TBC1D19: variants seen among roughly 807,000 people sequenced by gnomAD.
TBC1D19 encodes the protein TBC1 domain family member 19.
TBC1D19 carries 60 observed loss-of-function variants against 89.0 expected under a neutral mutation model. That is an observed-to-expected ratio of 0.67 (90% CI 0.55 to 0.84). TBC1D19 has a LOEUF of 0.84. Ranked by LOEUF, TBC1D19 falls within the 40% of genes least tolerant of loss-of-function variation. TBC1D19 has a pLI of 0.00. For missense variants in TBC1D19, 500 were observed against 610.8 expected, an observed-to-expected ratio of 0.82 and a Z score of 1.91; for synonymous variants, 189 against 199.7, an observed-to-expected ratio of 0.95 and a Z score of 0.45.
At chr4:26,810,811 A>G in the TBC1D19 span, among the ~76,000 whole-genome samples, 1 of 152,204 alleles carries the variant, frequency 6.6e-6, no homozygotes, top group Non-Finnish European at 1.5e-5. Context: ...TCCAGAATGC[A>G]GGAACTCTAT....
the TBC1D19 span, among the ~76,000 whole-genome samples, chr4:26,778,908 A>AT: frequency 1.8e-3 from 268 of 152,300 alleles, 7 homozygotes; most frequent in East Asian, 0.045. Context: ...CCTTGGAATA[A>AT]TTTTTAATTC....
At chr4:26,758,155 T>C (rs934909677), downstream of TBC1D19, among the ~76,000 whole-genome samples, 1 of 152,198 alleles carries the variant, frequency 6.6e-6, no homozygotes, top group Non-Finnish European at 1.5e-5. Context: ...TCCTTGTTCT[T>C]ATAAAACTGT....
At chr4:26,633,272 G>A (rs1480164452) in intron 4 of TBC1D19, among the ~76,000 whole-genome samples, 1 of 152,098 alleles carries the variant, frequency 6.6e-6, no homozygotes, top group Non-Finnish European at 1.5e-5. Context: ...TGTATATAAT[G>A]AGCCTTAAAG....
At chr4:26,673,446 T>TATATACACACACACACACACAC (rs373807642) in intron 10 of TBC1D19, among the ~76,000 whole-genome samples, 9 of 90,866 alleles carry the variant, frequency 9.9e-5, no homozygotes, top group African/African-American at 3.4e-4. Flanking sequence ...TATATATATA[T>TATATACACACACACACACACAC]ACACACACAC....
chr4:26,653,714 C>T (rs576191515), intron 7 of TBC1D19, among the ~76,000 whole-genome samples: 1,522 of 151,690 alleles, frequency 0.01, 13 homozygotes, highest in Non-Finnish European at 0.016. Context: ...TTTTTTGTTT[C>T]CCATTTGCTT....
chr4:26,660,081 G>A (rs1054125605), intron 8 of TBC1D19, among the ~76,000 whole-genome samples: 2 of 152,068 alleles, frequency 1.3e-5, no homozygotes, highest in Non-Finnish European at 2.9e-5. Flanking sequence ...AACTTTTATG[G>A]AGCTTGTAAC....
At chr4:26,818,611 G>T in the TBC1D19 span, among the ~76,000 whole-genome samples, 6 of 152,148 alleles carry the variant, frequency 3.9e-5, no homozygotes, top group Admixed American at 3.9e-4. Flanking sequence ...GAAGAGTACA[G>T]ATTCTTTACT....
the TBC1D19 span, among the ~76,000 whole-genome samples, chr4:26,843,546 C>T: frequency 6.6e-6 from 1 of 151,364 alleles, no homozygotes; most frequent in Admixed American, 6.6e-5. Flanking sequence ...GTAAATATGA[C>T]ATCCGAGATA....
chr4:26,587,304 G>A (rs1482565967), intron 1 of TBC1D19, among the ~76,000 whole-genome samples: 2 of 152,176 alleles, frequency 1.3e-5, no homozygotes, highest in Middle Eastern at 3.4e-3. Context: ...GTGGCCAGGC[G>A]CGATGGCTCA....
At chr4:26,790,631 T>C in the TBC1D19 span, among the ~76,000 whole-genome samples, 1 of 152,220 alleles carries the variant, frequency 6.6e-6, no homozygotes, top group South Asian at 2.1e-4. Context: ...GAGTTTTATT[T>C]CTTAGATTAT....
intron 13 of TBC1D19, among the ~76,000 whole-genome samples, chr4:26,697,620 AC>A (rs35448576): frequency 0.36 from 54,716 of 151,796 alleles, 11,077 homozygotes; most frequent in Non-Finnish European, 0.46. Flanking sequence ...TCAATAAAAT[AC>A]TGCAAACCGA....
At chr4:26,606,245 T>G (rs1387801595) in intron 1 of TBC1D19, among the ~76,000 whole-genome samples, 5 of 152,138 alleles carry the variant, frequency 3.3e-5, no homozygotes, top group African/African-American at 1.2e-4. Flanking sequence ...AGAGGCCAGT[T>G]AAGAAACTAC....
intron 4 of TBC1D19, among the ~76,000 whole-genome samples, chr4:26,631,534 T>C (rs935434239): frequency 7.2e-5 from 11 of 152,118 alleles, no homozygotes; most frequent in African/African-American, 2.7e-4. Flanking sequence ...CCTGTTCTAG[T>C]TATTAAAAAA....
At chr4:26,652,064 C>T (rs2109047638) in intron 7 of TBC1D19, among the ~76,000 whole-genome samples, 1 of 152,054 alleles carries the variant, frequency 6.6e-6, no homozygotes, top group African/African-American at 2.4e-5. Context: ...GGATGAAGCC[C>T]ACTAGATCAT....
chr4:26,745,206 A>G (rs1410167068), intron 18 of TBC1D19, among the ~76,000 whole-genome samples: 2 of 151,920 alleles, frequency 1.3e-5, no homozygotes, highest in Admixed American at 6.6e-5. Flanking sequence ...TTGATTATCA[A>G]TATCTTTTTT....
intron 1 of TBC1D19, among the ~76,000 whole-genome samples, chr4:26,597,133 T>C (rs1740273450): frequency 6.6e-6 from 1 of 152,242 alleles, no homozygotes; most frequent in Non-Finnish European, 1.5e-5. Flanking sequence ...GATTTTTTTG[T>C]TTGTTCCATC....
At chr4:26,851,976 A>G in the TBC1D19 span, among the ~76,000 whole-genome samples, 10 of 152,266 alleles carry the variant, frequency 6.6e-5, no homozygotes, top group Non-Finnish European at 8.8e-5. Context: ...AATGTTGTCC[A>G]TATGCTGGTG....
the TBC1D19 span, among the ~76,000 whole-genome samples, chr4:26,776,697 A>G: frequency 6.6e-6 from 1 of 151,992 alleles, no homozygotes; most frequent in Non-Finnish European, 1.5e-5. Context: ...GCTTGTATGT[A>G]CTCTTTTTCT....
chr4:26,766,710 C>T, the TBC1D19 span, among the ~76,000 whole-genome samples: 1 of 152,178 alleles, frequency 6.6e-6, no homozygotes, highest in African/African-American at 2.4e-5. Context: ...CAGGCATGCA[C>T]TTGAATCCCA....
Sources: allele counts gnomAD v4.1 joint callset (sites outside exome capture counted in the v4.1 genomes callset), GRCh38; gene constraint gnomAD v4.1.1; transcripts MANE v1.5; gene names NCBI Gene and HGNC (gene_info 2026-07-23, HGNC 2026-07-21).